PRKAR1B: variants seen among roughly 807,000 people sequenced by gnomAD.
The protein encoded by PRKAR1B is protein kinase cAMP-dependent type I regulatory subunit beta.
In PRKAR1B, 22 loss-of-function variants were observed where a neutral mutation model predicts 46.5. That is an observed-to-expected ratio of 0.47 (90% CI 0.34 to 0.68). PRKAR1B has a LOEUF of 0.68. Among genes scored for constraint, PRKAR1B ranks in the 30% least tolerant of loss-of-function variants. The probability of loss-of-function intolerance (pLI) is 0.01; values close to 1 mark genes in which losing one functional copy is unlikely to be tolerated. For synonymous variants in PRKAR1B, 259 were observed against 217.7 expected, an observed-to-expected ratio of 1.19 and a Z score of -1.67; for missense variants, 445 against 535.6, an observed-to-expected ratio of 0.83 and a Z score of 1.67.
chr7:553,959 G>C (rs780704084), intron 9 of PRKAR1B, among the ~76,000 whole-genome samples: 1 of 152,278 alleles, frequency 6.6e-6, no homozygotes, highest in African/African-American at 2.4e-5. Context: ...ACTGTGGGCA[G>C]GGGGAGACAG....
intron 2 of PRKAR1B, among the ~76,000 whole-genome samples, chr7:682,542 G>A (rs541270362): frequency 2.8e-4 from 43 of 152,170 alleles, no homozygotes; most frequent in Admixed American, 3.9e-4. Context: ...TCAGGAGATC[G>A]AGACCATCTT....
chr7:651,792 C>A (rs539640556), intron 4 of PRKAR1B, among the ~76,000 whole-genome samples: 1 of 107,538 alleles, frequency 9.3e-6, no homozygotes, highest in Non-Finnish European at 1.9e-5. Flanking sequence ...ACCCACACAG[C>A]GCTAGGAACC....
intron 2 of PRKAR1B, among the ~76,000 whole-genome samples, chr7:683,815 C>T (rs1411709659): frequency 1.3e-5 from 2 of 152,220 alleles, no homozygotes; most frequent in African/African-American, 2.4e-5. Flanking sequence ...GTTGCTCCCT[C>T]AGAAACAATC....
chr7:681,656 G>A (rs537900559), intron 2 of PRKAR1B, among the ~76,000 whole-genome samples: 1 of 152,170 alleles, frequency 6.6e-6, no homozygotes, highest in Non-Finnish European at 1.5e-5. Flanking sequence ...TCCTCCACGT[G>A]GGCTGGGGTT....
chr7:703,609 T>C (rs1319929767), intron 2 of PRKAR1B, among the ~76,000 whole-genome samples: 2 of 147,048 alleles, frequency 1.4e-5, no homozygotes, highest in African/African-American at 2.5e-5. Context: ...TGAGCCGAGA[T>C]CACGTCACTG....
chr7:553,134 T>C (rs1356398451), intron 9 of PRKAR1B, among the ~76,000 whole-genome samples: 1 of 152,100 alleles, frequency 6.6e-6, no homozygotes, highest in African/African-American at 2.4e-5. Context: ...CAGACGGGGC[T>C]GCCGTGTCAC....
chr7:689,336 T>C (rs1779282904), intron 2 of PRKAR1B, among the ~76,000 whole-genome samples: 2 of 152,010 alleles, frequency 1.3e-5, no homozygotes, highest in African/African-American at 4.8e-5. Flanking sequence ...TTAGCCAGGA[T>C]GGTCTCGATC....
At chr7:647,467 A>G (rs1784675055) in intron 4 of PRKAR1B, among the ~76,000 whole-genome samples, 1 of 151,892 alleles carries the variant, frequency 6.6e-6, no homozygotes, top group African/African-American at 2.4e-5. Flanking sequence ...TTAATCCCAT[A>G]ACCATGAATA....
chr7:569,064 A>G (rs1349134799), intron 9 of PRKAR1B, among the ~76,000 whole-genome samples: 3 of 149,864 alleles, frequency 2.0e-5, no homozygotes, highest in South Asian at 2.1e-4. Context: ...TGTTACTTAC[A>G]TTAACAAAAA....
chr7:550,708 A>C (rs1442057057), intron 10 of PRKAR1B, 106 bp from the exon 11 acceptor site: 2 of 930,110 alleles, frequency 2.2e-6, no homozygotes, highest in South Asian at 1.8e-5. Flanking sequence ...TAAGGATAGG[A>C]TGTGCCAGGC....
At chr7:716,001 C>T (rs868240970) in intron 1 of PRKAR1B, among the ~76,000 whole-genome samples, 52 of 152,008 alleles carry the variant, frequency 3.4e-4, no homozygotes, top group African/African-American at 9.4e-4. Flanking sequence ...AGGCGTGAGC[C>T]ACCGCACCCG....
intron 5 of PRKAR1B, among the ~76,000 whole-genome samples, chr7:606,970 A>ATATTATATG (rs533872558): frequency 9.8e-4 from 149 of 152,266 alleles, no homozygotes; most frequent in African/African-American, 3.2e-3. Flanking sequence ...ACATATATGC[A>ATATTATATG]TATTATATGT....
chr7:596,083 G>A (rs1781252638), intron 7 of PRKAR1B, 63 bp downstream of exon 7: 1 of 1,569,384 alleles, frequency 6.4e-7, no homozygotes, highest in Non-Finnish European at 8.7e-7. Flanking sequence ...TAGAGCTAGG[G>A]TTCCCAGGGA....
intron 3 of PRKAR1B, among the ~76,000 whole-genome samples, chr7:678,176 G>C (rs1778442209): frequency 6.6e-6 from 1 of 152,230 alleles, no homozygotes; most frequent in South Asian, 2.1e-4. Context: ...GGCTGAGGCA[G>C]GAGAATCACC....
chr7:676,669 C>T (rs537905909), intron 4 of PRKAR1B, among the ~76,000 whole-genome samples: 4 of 152,362 alleles, frequency 2.6e-5, no homozygotes, highest in South Asian at 2.1e-4. Context: ...GCCACCCCTG[C>T]GTGGTGAGCC....
intron 9 of PRKAR1B, among the ~76,000 whole-genome samples, chr7:563,794 T>C (rs1778965045): frequency 6.6e-6 from 1 of 151,852 alleles, no homozygotes; most frequent in Non-Finnish European, 1.5e-5. Flanking sequence ...TACATGTGTG[T>C]ACGTGTGTGT....
chr7:668,024 G>A (rs546988832), intron 4 of PRKAR1B, among the ~76,000 whole-genome samples: 2 of 152,260 alleles, frequency 1.3e-5, no homozygotes, highest in East Asian at 1.9e-4. Flanking sequence ...ACACTGTTAC[G>A]GATCGACAAG....
In PRKAR1B at chr7:635,719, G is replaced by A. The variant is rs534752860; in HGVS notation, c.441-28267C>T. 2.3e-3 allele frequency among the ~76,000 whole-genome samples: 356 copies of A among 152,276 alleles called. 1 individual carries two copies. The highest frequency in any genetic ancestry group is 3.2e-3 in the Non-Finnish European group (218 of 67,998). On this transcript the variant is annotated intron_variant, in intron 4 of 10. Coordinates refer to ENST00000537384, the MANE Select transcript of PRKAR1B (RefSeq NM_001164760.2). ...TTGAGCAGGGGAGAGAAGGCACAGC[G>A]AGGGAGACGGGGAAGCCTCAGGTTT... is the stretch of plus-strand genomic sequence containing the variant.
intron 9 of PRKAR1B, among the ~76,000 whole-genome samples, chr7:574,726 G>T (rs752881260): frequency 1.3e-5 from 2 of 152,240 alleles, no homozygotes; most frequent in African/African-American, 2.4e-5. Flanking sequence ...TTATAGGCGT[G>T]AGCCACCACG....
Sources: gnomAD v4.1 joint callset for allele counts (sites outside exome capture counted in the v4.1 genomes callset) on GRCh38, gnomAD v4.1.1 for gene constraint, MANE v1.5 for transcripts, NCBI Gene and HGNC (gene_info 2026-07-23, HGNC 2026-07-21) for gene names.